Variants in SSH2 observed in about 807,000 individuals in gnomAD.
SSH2 encodes the protein protein phosphatase Slingshot homolog 2.
SSH2 carries 37 observed loss-of-function variants against 135.2 expected under a neutral mutation model. The ratio of observed to expected loss-of-function variants is 0.27; its 90% CI spans 0.21 to 0.36. The LOEUF is 0.36. Ranked by LOEUF, SSH2 falls within the 10% of genes least tolerant of loss-of-function variation. The pLI is 1.00. For synonymous variants in SSH2, 628 were observed against 646.2 expected (o/e 0.97, Z 0.43); for missense variants, 1,408 against 1,765.3 (o/e 0.80, Z 3.63).
chr17:29,680,126 T>G (rs193286170), intron 6 of SSH2, among the ~76,000 whole-genome samples: 1 of 152,078 alleles, frequency 6.6e-6, no homozygotes, highest in African/African-American at 2.4e-5. Flanking sequence ...CTGAAAGTGA[T>G]TGGGGGAAGG....
chr17:29,745,016 T>C (rs968292010), intron 3 of SSH2, among the ~76,000 whole-genome samples: 5 of 152,154 alleles, frequency 3.3e-5, no homozygotes, highest in African/African-American at 9.7e-5. Flanking sequence ...TCAATAACAA[T>C]GGCCTTGCAA....
chr17:29,659,202 C>G (rs1313197381), intron 11 of SSH2, among the ~76,000 whole-genome samples: 3 of 152,124 alleles, frequency 2.0e-5, no homozygotes, highest in Non-Finnish European at 1.5e-5. Context: ...AACTAGTCTC[C>G]TATGAATGAT....
At chr17:29,649,835 A>G (rs1240108263) in intron 13 of SSH2, among the ~76,000 whole-genome samples, 1 of 152,258 alleles carries the variant, frequency 6.6e-6, no homozygotes, top group Non-Finnish European at 1.5e-5. Flanking sequence ...CTGAGAATAA[A>G]GGAATAGGCT....
At chr17:29,662,339 G>A (rs935584385) in intron 11 of SSH2, among the ~76,000 whole-genome samples, 14 of 152,174 alleles carry the variant, frequency 9.2e-5, no homozygotes, top group African/African-American at 3.4e-4. Flanking sequence ...TACTGTGGGA[G>A]TTCTGCTAAG....
chr17:29,696,641 A>G (rs1358719096), intron 4 of SSH2, among the ~76,000 whole-genome samples: 1 of 147,036 alleles, frequency 6.8e-6, no homozygotes, highest in Non-Finnish European at 1.5e-5. Flanking sequence ...ACACACACAC[A>G]CACACACCTA....
intron 2 of SSH2, among the ~76,000 whole-genome samples, chr17:29,816,269 C>T (rs760402186): frequency 2.6e-4 from 40 of 152,162 alleles, no homozygotes; most frequent in Admixed American, 5.2e-4. Flanking sequence ...ATTTACTTAA[C>T]GGGAAGTAAT....
At chr17:29,705,909 A>G (rs2039181366) in intron 3 of SSH2, among the ~76,000 whole-genome samples, 1 of 152,208 alleles carries the variant, frequency 6.6e-6, no homozygotes, top group Non-Finnish European at 1.5e-5. Context: ...ATAAACTAAA[A>G]TTATATTTAT....
chr17:29,904,451 T>A (rs1567643643), intron 1 of SSH2, among the ~76,000 whole-genome samples: 2 of 152,104 alleles, frequency 1.3e-5, no homozygotes, highest in South Asian at 4.1e-4. Flanking sequence ...AAATTCAAAA[T>A]CCCTTCAGGT....
intron 5 of SSH2, among the ~76,000 whole-genome samples, chr17:29,690,633 C>T (rs2038428777): frequency 6.6e-6 from 1 of 151,740 alleles, no homozygotes; most frequent in South Asian, 2.1e-4. Flanking sequence ...AAATCAATAG[C>T]CAAAATTAAA....
At chr17:29,637,880 A>G (rs986401204) in intron 14 of SSH2, among the ~76,000 whole-genome samples, 15 of 149,698 alleles carry the variant, frequency 1.0e-4, no homozygotes, top group Non-Finnish European at 2.1e-4. Context: ...TTGGGAGGCT[A>G]AGGCGGGCGG....
At chr17:29,769,241 A>G (rs1350381902) in intron 3 of SSH2, among the ~76,000 whole-genome samples, 3 of 152,144 alleles carry the variant, frequency 2.0e-5, no homozygotes, top group Non-Finnish European at 2.9e-5. Flanking sequence ...ACAGTATTCT[A>G]TATTGTCTCC....
chr17:29,634,971 C>T (rs999637674), intron 15 of SSH2, among the ~76,000 whole-genome samples: 9 of 152,142 alleles, frequency 5.9e-5, no homozygotes, highest in South Asian at 4.1e-4. Flanking sequence ...GGCACGACCT[C>T]GGCTCACTGC....
intron 1 of SSH2, among the ~76,000 whole-genome samples, chr17:29,881,603 G>A (rs913117927): frequency 2.0e-5 from 3 of 152,048 alleles, no homozygotes; most frequent in African/African-American, 2.4e-5. Context: ...CCACGTTCAA[G>A]CAATTCTCCT....
chr17:29,665,469 C>T (rs549602826), intron 11 of SSH2, among the ~76,000 whole-genome samples: 5 of 152,208 alleles, frequency 3.3e-5, no homozygotes, highest in Non-Finnish European at 5.9e-5. Flanking sequence ...ATGAAATAAA[C>T]TCTTGAATAT....
chr17:29,900,181 C>A (rs1463237500), intron 1 of SSH2, among the ~76,000 whole-genome samples: 2 of 152,132 alleles, frequency 1.3e-5, no homozygotes, highest in South Asian at 4.2e-4. Flanking sequence ...TAAAAACCGT[C>A]AAAGAAAACC....
At chr17:29,859,851 T>G (rs2065730786) in intron 1 of SSH2, among the ~76,000 whole-genome samples, 1 of 152,090 alleles carries the variant, frequency 6.6e-6, no homozygotes, top group African/African-American at 2.4e-5. Flanking sequence ...TGTTTTTTTG[T>G]TTTTGTTTTT....
chr17:29,633,322 C>T (rs1403524784), intron 15 of SSH2, among the ~76,000 whole-genome samples: 2 of 152,202 alleles, frequency 1.3e-5, no homozygotes, highest in African/African-American at 4.8e-5. Context: ...TCCCCCGTGG[C>T]CTATCAACTT....
intron 1 of SSH2, among the ~76,000 whole-genome samples, chr17:29,924,270 T>C (rs2067026119): frequency 6.6e-6 from 1 of 152,250 alleles, no homozygotes; most frequent in African/African-American, 2.4e-5. Flanking sequence ...GGCTTTATTT[T>C]CTCAAGCTAG....
At chr17:29,690,195 G>A (rs1332978097) in intron 5 of SSH2, among the ~76,000 whole-genome samples, 1 of 151,864 alleles carries the variant, frequency 6.6e-6, no homozygotes, top group African/African-American at 2.4e-5. Flanking sequence ...CCTGAGGTCG[G>A]GAGTTCAAGA....
Sources: allele counts gnomAD v4.1 joint callset (sites outside exome capture counted in the v4.1 genomes callset), GRCh38; gene constraint gnomAD v4.1.1; transcripts MANE v1.5; gene names NCBI Gene and HGNC (gene_info 2026-07-23, HGNC 2026-07-21).